RAP1GAP2: variants seen among roughly 807,000 people sequenced by gnomAD.
RAP1GAP2 encodes the protein RAP1 GTPase activating protein 2.
RAP1GAP2 carries 27 observed loss-of-function variants against 95.0 expected under a neutral mutation model. The observed-to-expected ratio is 0.28, with a 90% CI of 0.21 to 0.39. The LOEUF is 0.39. Among genes scored for constraint, RAP1GAP2 ranks in the 10% least tolerant of loss-of-function variants. The pLI, the probability that RAP1GAP2 is intolerant of heterozygous loss-of-function variation, is 1.00. For missense variants in RAP1GAP2, 771 were observed against 970.0 expected, an observed-to-expected ratio of 0.79 and a Z score of 2.72; for synonymous variants, 373 against 380.9, an observed-to-expected ratio of 0.98 and a Z score of 0.24.
chr17:2,930,929 G>T (rs1017239950), intron 3 of RAP1GAP2, among the ~76,000 whole-genome samples: 2 of 152,128 alleles, frequency 1.3e-5, no homozygotes, highest in Admixed American at 6.5e-5. Flanking sequence ...TTTGAGACCA[G>T]CCTGGCCAAC....
At chr17:2,814,908 C>T (rs2151506074) in intron 2 of RAP1GAP2, among the ~76,000 whole-genome samples, 1 of 152,212 alleles carries the variant, frequency 6.6e-6, no homozygotes, top group South Asian at 2.1e-4. Flanking sequence ...CCAGCAGACG[C>T]CCCGTGGAAT....
chr17:2,759,769 T>C (rs1227955756), intron 1 of RAP1GAP2, among the ~76,000 whole-genome samples: 1 of 152,118 alleles, frequency 6.6e-6, no homozygotes, highest in Non-Finnish European at 1.5e-5. Flanking sequence ...GTATTTTTTA[T>C]AGAAGCAGGT....
intron 3 of RAP1GAP2, among the ~76,000 whole-genome samples, chr17:2,911,369 C>T (rs981223490): frequency 1.1e-4 from 16 of 151,220 alleles, no homozygotes; most frequent in African/African-American, 3.9e-4. Context: ...TGGCTGGTGC[C>T]GGGTGGGCTG....
chr17:2,916,460 G>A (rs1439766426), intron 3 of RAP1GAP2, among the ~76,000 whole-genome samples: 1 of 152,218 alleles, frequency 6.6e-6, no homozygotes, highest in East Asian at 1.9e-4. Flanking sequence ...TGTCACAAGA[G>A]GTTATTTGCT....
At chr17:2,758,965 T>C (rs936133948) in intron 1 of RAP1GAP2, among the ~76,000 whole-genome samples, 3 of 151,938 alleles carry the variant, frequency 2.0e-5, no homozygotes, top group Admixed American at 6.6e-5. Context: ...GGGGCCATAG[T>C]TGAGGTCCAC....
chr17:2,954,249 C>CAT (rs1567817887), intron 3 of RAP1GAP2, among the ~76,000 whole-genome samples: 1 of 151,562 alleles, frequency 6.6e-6, no homozygotes, highest in Non-Finnish European at 1.5e-5. Flanking sequence ...GGATTACAGG[C>CAT]GCCCGCCACC....
At chr17:2,955,718 T>C (rs1003940746) in intron 3 of RAP1GAP2, among the ~76,000 whole-genome samples, 2 of 152,236 alleles carry the variant, frequency 1.3e-5, no homozygotes, top group African/African-American at 4.8e-5. Flanking sequence ...TTATTTGTTA[T>C]ATGTCTTTAG....
intron 3 of RAP1GAP2, among the ~76,000 whole-genome samples, chr17:2,952,404 C>G (rs1389667596): frequency 2.6e-5 from 4 of 152,172 alleles, no homozygotes; most frequent in African/African-American, 7.2e-5. Flanking sequence ...TTAAACAGTG[C>G]TGGGACAAAC....
chr17:2,936,099 G>C (rs1477502743), intron 3 of RAP1GAP2, among the ~76,000 whole-genome samples: 1 of 148,210 alleles, frequency 6.7e-6, no homozygotes, highest in Non-Finnish European at 1.5e-5. Flanking sequence ...GGCCAGTTTT[G>C]CCTCTTTTTT....
chr17:3,016,407 C>G (rs12453009), intron 17 of RAP1GAP2, among the ~76,000 whole-genome samples: 104,044 of 152,178 alleles, frequency 0.68, 35,728 homozygotes, highest in Admixed American at 0.7. Context: ...CAGTGGGGAG[C>G]TCAGGGAGCA....
chr17:2,826,585 T>C (rs2070575777), intron 2 of RAP1GAP2, among the ~76,000 whole-genome samples: 1 of 150,996 alleles, frequency 6.6e-6, no homozygotes. Context: ...AGGGAGGAGA[T>C]GCTTGCTGTG....
At position 2,976,029 on chromosome 17, in the gene RAP1GAP2, C is replaced by T. The variant is rs1286933948; in HGVS notation, c.597-4258C>T. Among the ~76,000 whole-genome samples, 5 of 152,070 alleles carry T rather than the reference C, an allele frequency of 3.3e-5. No individual in the cohort carries two copies. The East Asian group carries it at 9.6e-4, about 29-fold the overall frequency. ...TGTTCCGTGAACACGCTCTGTTCAC[C>T]CGGAATATCTAACAGTCATTAACTT... On this transcript the variant is annotated intron_variant, in intron 8 of 24. Transcript: ENST00000254695.
At chr17:2,954,045 G>C (rs969024682) in intron 3 of RAP1GAP2, among the ~76,000 whole-genome samples, 1 of 152,072 alleles carries the variant, frequency 6.6e-6, no homozygotes, top group Non-Finnish European at 1.5e-5. Context: ...TCTCTATGAG[G>C]TTGCATACTC....
intron 16 of RAP1GAP2, 41 bp downstream of exon 16, chr17:3,006,082 G>GCTAACA: frequency 1.3e-6 from 2 of 1,543,534 alleles, no homozygotes; most frequent in Non-Finnish European, 1.8e-6. Flanking sequence ...CTGACTGCTG[G>GCTAACA]GCCACCTGTT....
intron 22 of RAP1GAP2, among the ~76,000 whole-genome samples, chr17:3,028,287 G>C (rs1158778863): frequency 6.6e-6 from 1 of 151,878 alleles, no homozygotes; most frequent in Non-Finnish European, 1.5e-5. Context: ...GTTCTGAGCC[G>C]GGGGCAGTCT....
chr17:2,804,296 G>A (rs1419089675), intron 2 of RAP1GAP2, among the ~76,000 whole-genome samples: 1 of 152,234 alleles, frequency 6.6e-6, no homozygotes. Context: ...AGCATTCACT[G>A]TGTGCTCAGG....
intron 8 of RAP1GAP2, among the ~76,000 whole-genome samples, chr17:2,968,617 C>G (rs2044715192): frequency 6.6e-6 from 1 of 151,684 alleles, no homozygotes; most frequent in Non-Finnish European, 1.5e-5. Flanking sequence ...TAAGAGAAGA[C>G]AAAGAAAACA....
At chr17:2,826,358 T>C (rs6502555) in intron 2 of RAP1GAP2, among the ~76,000 whole-genome samples, 59,409 of 151,320 alleles carry the variant, frequency 0.39, 13,309 homozygotes, top group African/African-American at 0.61. Flanking sequence ...TGGGGAAGTG[T>C]GTAGAGCTGT....
chr17:2,775,070 G>A (rs534448524), upstream of RAP1GAP2, among the ~76,000 whole-genome samples: 5 of 149,656 alleles, frequency 3.3e-5, no homozygotes, highest in East Asian at 5.9e-4. Context: ...GACCTTAAAT[G>A]ATCCACCCGC....
Sources: gnomAD v4.1 joint callset for allele counts (sites outside exome capture counted in the v4.1 genomes callset) on GRCh38, gnomAD v4.1.1 for gene constraint, MANE v1.5 for transcripts, NCBI Gene and HGNC (gene_info 2026-07-23, HGNC 2026-07-21) for gene names.